Variants in HTT observed in about 807,000 individuals in gnomAD.
HTT encodes huntington disease protein.
In HTT, 104 loss-of-function variants were observed where a neutral mutation model predicts 362.3. The observed-to-expected ratio is 0.29, with a 90% CI of 0.24 to 0.34. The LOEUF is 0.34. Among genes scored for constraint, HTT ranks in the 10% least tolerant of loss-of-function variants. The probability of loss-of-function intolerance (pLI) is 1.00; values close to 1 mark genes in which losing one functional copy is unlikely to be tolerated. For synonymous variants in HTT, 1,577 were observed against 1,548.7 expected (o/e 1.02, Z -0.43); for missense variants, 3,301 against 3,928.6 (o/e 0.84, Z 4.27).
chr4:3,239,375 T>C (rs937016709), intron 66 of HTT, among the ~76,000 whole-genome samples: 1 of 152,082 alleles, frequency 6.6e-6, no homozygotes, highest in East Asian at 1.9e-4. Context: ...GGGGAAAGGC[T>C]TAAGTAAAGA....
intron 23 of HTT, among the ~76,000 whole-genome samples, chr4:3,143,436 CAAAAAAAAAAA>C (rs1056047426): frequency 2.8e-5 from 2 of 70,228 alleles, no homozygotes; most frequent in Non-Finnish European, 5.5e-5. Context: ...GACTCTGTCT[CAAAAAAAAAAA>C]AAAAAAAAGA....
intron 64 of HTT, among the ~76,000 whole-genome samples, chr4:3,238,168 C>G (rs1373789391): frequency 6.6e-6 from 1 of 152,070 alleles, no homozygotes; most frequent in East Asian, 1.9e-4. Flanking sequence ...AGTTCTGGTC[C>G]CTACAGGGTG....
In HTT at chr4:3,235,271, C is replaced by G. The variant is rs760533924; in HGVS notation, c.8457-13C>G. The G allele has an allele frequency of 4.4e-6, 7 of 1,585,126 alleles. No homozygotes were observed. The highest frequency in any genetic ancestry group is 6.1e-6 in the Non-Finnish European group (7 of 1,154,454). On this transcript the variant is annotated splice_polypyrimidine_tract_variant and intron_variant, in intron 61 of 66. Transcript: ENST00000355072. ...GGGGGTGGCTGAGCCTGGATGCTGT[C>G]TCCCGTTTTCAGCTGCGTGAACATT...
intron 24 of HTT, 126 bp downstream of exon 24, chr4:3,145,354 G>A: frequency 1.4e-6 from 1 of 704,406 alleles, no homozygotes; most frequent in South Asian, 1.6e-5. Flanking sequence ...AAAAATATCT[G>A]ATGGAATACT....
At position 3,228,934 on chromosome 4, in the gene HTT, G is replaced by A. The variant is rs1329819655; in HGVS notation, c.8034G>A (p.Leu2678=). Residue 2678 remains leucine, a synonymous_variant, in exon 59 of 67, where the codon TTG becomes TTA. Coordinates refer to ENST00000355072, the MANE Select transcript of HTT (RefSeq NM_001388492.1). This position sits in a 1 kb window ranked among gnomAD's most constrained non-coding sequence, Gnocchi z 4.3. ...CCTGTTCGCAGTTTTTGCTTGAGTT[G>A]TACAGCCGCTGGATCCTGCCGTCCA... The part of the protein sequence containing the change: ...IHSCSQFLLE[L]YSRWILPSSS... 3 of 1,613,780 alleles carry A rather than the reference G, an allele frequency of 1.9e-6. No homozygotes were observed. The highest frequency in any genetic ancestry group is 1.1e-5 in the South Asian group (1 of 91,082).
intron 65 of HTT, 37 bp from the exon 66 acceptor site, chr4:3,238,781 C>A (rs771927073): frequency 3.9e-6 from 6 of 1,536,432 alleles, no homozygotes; most frequent in East Asian, 4.6e-5. Flanking sequence ...CCCGTCCCCC[C>A]AGCCCTGACA....
intron 1 of HTT, among the ~76,000 whole-genome samples, chr4:3,081,886 G>GT (rs537378843): frequency 1.7e-3 from 246 of 147,116 alleles, no homozygotes; most frequent in Non-Finnish European, 2.8e-3. Context: ...GGCTGTTTTT[G>GT]TTTTTTTTTT....
chr4:3,239,187 C>G (rs553467967), intron 66 of HTT, among the ~76,000 whole-genome samples: 1 of 152,144 alleles, frequency 6.6e-6, no homozygotes, highest in African/African-American at 2.4e-5. Context: ...TCAGAGGGGC[C>G]GGTGTATGGC....
Position 3,142,781 on chromosome 4 carries a change from TA to T in HTT, c.2963del (p.Asn988ThrfsTer6). On this transcript the variant is annotated frameshift_variant, in exon 23 of 67. Coordinates refer to ENST00000355072, the MANE Select transcript of HTT (RefSeq NM_001388492.1). LOFTEE classifies it high-confidence loss of function. ...STITRIYRGY[N>X]LLPSITDVTM... ...TTGTTATTAGAATATATAGAGGCTA[TA>T]ACCTACTACCAAGCATAACAGACGT... The T allele has an allele frequency of 6.6e-7, 1 of 1,518,030 alleles. No homozygotes were observed. The highest frequency in any genetic ancestry group is 9.2e-7 in the Non-Finnish European group (1 of 1,092,626). The allele number at this position is 1,518,030 out of a possible 1,614,324, so 94.0% of individuals were successfully genotyped here.
In HTT at chr4:3,209,898, G is replaced by A. The variant is rs1578591086; in HGVS notation, c.6363G>A (p.Glu2121=). 6.2e-7 allele frequency: 1 copy of A among 1,614,178 alleles called. No individual in the cohort carries two copies. The highest frequency in any genetic ancestry group is 1.1e-5 in the South Asian group (1 of 91,082). ...ATTCTGCACTGCTGGAAGGTGCAGA[G>A]CTGGTGAATCGGATTCCTGCTGAAG... ...RSDSALLEGA[E]LVNRIPAEDM... Residue 2121 remains glutamate, a synonymous_variant, in exon 47 of 67, where the codon GAG becomes GAA. Coordinates refer to ENST00000355072, the MANE Select transcript of HTT (RefSeq NM_001388492.1).
chr4:3,074,738 C>G lies in HTT; in HGVS notation c.-88C>G. On this transcript the variant is annotated 5_prime_UTR_variant, in exon 1 of 67. Transcript: ENST00000355072. The stretch of plus-strand genomic sequence containing the variant: ...TCAGGTTCTGCTTTTACCTGCGGCC[C>G]AGAGCCCCATTCATTGCCCCGGTGC... 7.9e-6 allele frequency: 11 copies of G among 1,385,456 alleles called. No homozygotes were observed. Among genetic ancestry groups the G allele is most frequent in the Non-Finnish European group, 1.1e-5 (11 of 1,037,598 alleles). The allele number at this position is 1,385,456 out of a possible 1,614,324, so 85.8% of individuals were successfully genotyped here.
intron 11 of HTT, among the ~76,000 whole-genome samples, chr4:3,126,033 T>C (rs1394903399): frequency 6.6e-6 from 1 of 152,138 alleles, no homozygotes; most frequent in Non-Finnish European, 1.5e-5. Flanking sequence ...TGTTTACAGA[T>C]AGTTATCTTT....
Position 3,075,648 on chromosome 4 carries a change from A to AG in HTT, c.263+569dup, listed in dbSNP as rs368641776. 2.4e-3 allele frequency among the ~76,000 whole-genome samples: 128 copies of AG among 54,344 alleles called. 1 individual carries two copies. Among genetic ancestry groups the AG allele is most frequent in the South Asian group, 0.015 (15 of 1,006 alleles). The allele number at this position is 54,344 out of a possible 152,430, so 35.7% of individuals were successfully genotyped here. The stretch of plus-strand genomic sequence containing the variant: ...GACGCCTCGGCGGGAGTGGCGGGGC[A>AG]GGGGGGGGGCGGGGAGTGAGGGCGC... On this transcript the variant is annotated intron_variant, in intron 1 of 66. Transcript: ENST00000355072.
chr4:3,107,967 C>A (rs1714524380), intron 6 of HTT, among the ~76,000 whole-genome samples: 1 of 152,182 alleles, frequency 6.6e-6, no homozygotes, highest in African/African-American at 2.4e-5. Flanking sequence ...GGTTTGAGCC[C>A]AAGTGACCCT....
At chr4:3,110,126 T>C (rs1225178626) in intron 6 of HTT, among the ~76,000 whole-genome samples, 1 of 152,196 alleles carries the variant, frequency 6.6e-6, no homozygotes, top group African/African-American at 2.4e-5. Flanking sequence ...CTGGTTCCTT[T>C]CAGAGGCCAT....
chr4:3,088,411 T>A (rs1194900127), intron 2 of HTT, among the ~76,000 whole-genome samples: 1 of 151,732 alleles, frequency 6.6e-6, no homozygotes, highest in African/African-American at 2.4e-5. Flanking sequence ...CCTGACCTCA[T>A]GACCCGCTCA....
intron 6 of HTT, 74 bp from the exon 7 acceptor site, chr4:3,115,230 T>G: frequency 7.0e-7 from 1 of 1,420,372 alleles, no homozygotes; most frequent in Non-Finnish European, 9.7e-7. Flanking sequence ...CTAATTCACG[T>G]TAAGTTTTAT....
chr4:3,192,882 G>A (rs909818681), intron 40 of HTT, among the ~76,000 whole-genome samples: 3 of 152,242 alleles, frequency 2.0e-5, no homozygotes, highest in Non-Finnish European at 1.5e-5. Context: ...ATGCTAGCAG[G>A]CTCTGGTTGT....
intron 21 of HTT, among the ~76,000 whole-genome samples, chr4:3,138,251 T>G (rs1716178817): frequency 6.6e-6 from 1 of 152,028 alleles, no homozygotes; most frequent in South Asian, 2.1e-4. Context: ...TTTTTTAAAT[T>G]TCAATGGTTT....
Sources: gnomAD v4.1 joint callset for allele counts (sites outside exome capture counted in the v4.1 genomes callset) on GRCh38, gnomAD v4.1.1 for gene constraint, Gnocchi (gnomAD v3.1) non-coding constraint, MANE v1.5 for transcripts, NCBI Gene and HGNC (gene_info 2026-07-23, HGNC 2026-07-21) for gene names.